The following GLIS3 variants were observed in gnomAD, a reference collection of about 807,000 sequenced individuals.
The protein encoded by GLIS3 is zinc finger protein GLIS3.
A neutral mutation model predicts 78.6 loss-of-function variants in GLIS3; 53 were observed. The ratio of observed to expected loss-of-function variants is 0.67; its 90% confidence interval spans 0.54 to 0.85. The LOEUF (loss-of-function observed/expected upper bound fraction) is 0.85. GLIS3 is among the 40% of genes least tolerant of loss of function. The pLI is 0.00. For synonymous variants in GLIS3, 684 were observed against 509.9 expected (o/e 1.34, Z -4.60); for missense variants, 1,703 against 1,231.1 (o/e 1.38, Z -5.74).
chr9:3,980,325 T>A (rs1020507394), intron 4 of GLIS3, among the ~76,000 whole-genome samples: 1 of 152,214 alleles, frequency 6.6e-6, no homozygotes, highest in Non-Finnish European at 1.5e-5. Flanking sequence ...AGAGAAGTGA[T>A]ACACCAAGAG....
chr9:4,059,825 T>TGAGAGAGAGAGAGA (rs1469909194), intron 4 of GLIS3, among the ~76,000 whole-genome samples: 11 of 120,362 alleles, frequency 9.1e-5, no homozygotes, highest in African/African-American at 3.5e-4. Context: ...TGTGTGTGTG[T>TGAGAGAGAGAGAGA]GTGTGAGAGA....
the GLIS3 span, among the ~76,000 whole-genome samples, chr9:4,410,308 A>G: frequency 6.6e-6 from 1 of 152,176 alleles, no homozygotes; most frequent in South Asian, 2.1e-4. Flanking sequence ...TAGGGTTTGC[A>G]TATTAAGAAA....
intron 4 of GLIS3, among the ~76,000 whole-genome samples, chr9:3,984,428 C>A (rs1010192538): frequency 6.6e-6 from 1 of 152,184 alleles, no homozygotes; most frequent in African/African-American, 2.4e-5. Flanking sequence ...TTGACTGCCC[C>A]GCTGGATTTG....
chr9:4,328,675 G>A (rs1817638297), intron 2 of GLIS3, among the ~76,000 whole-genome samples: 2 of 152,232 alleles, frequency 1.3e-5, no homozygotes, highest in African/African-American at 2.4e-5. Context: ...ATCTTGCTCT[G>A]CCTCTCTATA....
chr9:4,211,177 C>T (rs972821374), intron 2 of GLIS3, among the ~76,000 whole-genome samples: 7 of 152,218 alleles, frequency 4.6e-5, no homozygotes, highest in African/African-American at 1.7e-4. Flanking sequence ...GTTTGCTGGA[C>T]TATTCCAGAT....
At chr9:4,307,976 A>G (rs1057130758) in intron 4 of GLIS3, among the ~76,000 whole-genome samples, 11 of 152,150 alleles carry the variant, frequency 7.2e-5, no homozygotes, top group African/African-American at 2.7e-4. Flanking sequence ...GCAGCAACAG[A>G]AAAGTAATGC....
chr9:4,156,984 T>C (rs1022857366), intron 2 of GLIS3, among the ~76,000 whole-genome samples: 4 of 152,318 alleles, frequency 2.6e-5, no homozygotes, highest in Admixed American at 6.5e-5. Flanking sequence ...GGTCAACCCA[T>C]TGGCATTTTC....
At chr9:4,406,590 A>G in the GLIS3 span, among the ~76,000 whole-genome samples, 1 of 152,218 alleles carries the variant, frequency 6.6e-6, no homozygotes, top group South Asian at 2.1e-4. Context: ...TTGAACTGAT[A>G]AATTCAGTAA....
At chr9:4,012,525 T>C (rs904302238) in intron 4 of GLIS3, among the ~76,000 whole-genome samples, 2 of 152,176 alleles carry the variant, frequency 1.3e-5, no homozygotes, top group African/African-American at 4.8e-5. Context: ...ACATAAACTT[T>C]TCCTTGGTGC....
chr9:4,090,201 C>T (rs1829380520), intron 4 of GLIS3, among the ~76,000 whole-genome samples: 2 of 152,136 alleles, frequency 1.3e-5, no homozygotes, highest in Non-Finnish European at 2.9e-5. Context: ...CTACACAGGC[C>T]CACTGTCCTC....
In GLIS3 at chr9:4,140,802, C is replaced by CCTTT. The variant is rs113682971; in HGVS notation, c.389-14862_389-14861insAAAG. Among the ~76,000 whole-genome samples the CCTTT allele has an allele frequency of 1.9e-3, 280 of 148,662 alleles. 7 individuals are homozygous for CCTTT. The highest frequency in any genetic ancestry group is 3.7e-3 in the African/African-American group (150 of 40,454). On this transcript the variant is annotated intron_variant, in intron 2 of 10. Coordinates refer to ENST00000381971, the MANE Select transcript of GLIS3 (RefSeq NM_001042413.2). ...AAGAGTAGACACTGTTTGAATTTATCTTTTTTTTTTTTTGAGACGGAGTTT... is the reference window on the plus strand; with the variant it reads ...AAGAGTAGACACTGTTTGAATTTATCCTTTTTTTTTTTTTTTTGAGACGGAGTTT...
At chr9:3,989,360 T>C (rs1213573031) in intron 4 of GLIS3, among the ~76,000 whole-genome samples, 1 of 152,188 alleles carries the variant, frequency 6.6e-6, no homozygotes, top group African/African-American at 2.4e-5. Context: ...AATCATAAAA[T>C]TACCATATGA....
At chr9:4,402,104 T>A in the GLIS3 span, among the ~76,000 whole-genome samples, 511 of 152,320 alleles carry the variant, frequency 3.4e-3, 1 homozygote, top group African/African-American at 0.012. Flanking sequence ...GACCCAGTAC[T>A]ATGTTGGCTT....
the GLIS3 span, among the ~76,000 whole-genome samples, chr9:4,379,177 G>C: frequency 3.3e-5 from 5 of 152,010 alleles, no homozygotes; most frequent in African/African-American, 1.2e-4. Context: ...CTGTACATAA[G>C]GCAGTTCTCC....
chr9:4,483,102 T>A, the GLIS3 span, among the ~76,000 whole-genome samples: 3 of 152,200 alleles, frequency 2.0e-5, no homozygotes, highest in Non-Finnish European at 4.4e-5. Context: ...TTTGTGTCCA[T>A]GACTATTAGA....
upstream of GLIS3, among the ~76,000 whole-genome samples, chr9:4,352,689 G>C (rs997230648): frequency 6.6e-6 from 1 of 152,240 alleles, no homozygotes. Context: ...GGCCTGAAGG[G>C]CTATGTGTGG....
intron 4 of GLIS3, among the ~76,000 whole-genome samples, chr9:4,110,294 T>C (rs896838629): frequency 1.3e-5 from 2 of 152,168 alleles, no homozygotes; most frequent in African/African-American, 4.8e-5. Context: ...AAAAATAAAG[T>C]ATATGCTCAC....
the GLIS3 span, among the ~76,000 whole-genome samples, chr9:4,371,957 T>C: frequency 2.0e-5 from 3 of 152,212 alleles, no homozygotes; most frequent in Non-Finnish European, 4.4e-5. Flanking sequence ...ACCCCTTCTC[T>C]GGCCATAATT....
At position 3,937,055 on chromosome 9, in the gene GLIS3, G is replaced by A; in HGVS notation, c.1845C>T (p.Ala615=). ...QKAFSNSSDR[A]KHQRTHLDTK... is the part of the protein sequence containing the mutation. ...TGTCCAGATGCGTCCGCTGGTGTTT[G>A]GCGCGGTCACTGGAGTTACTGAAGG... The change falls in exon 5 of 11, where the codon GCC becomes GCT. Residue 615 remains alanine (A), a synonymous_variant. Transcript: ENST00000381971. 1 of 1,613,320 alleles carries A rather than the reference G, an allele frequency of 6.2e-7. No homozygotes were observed. Among genetic ancestry groups the A allele is most frequent in the Non-Finnish European group, 8.5e-7 (1 of 1,180,010 alleles).
Sources: allele counts gnomAD v4.1 joint callset (sites outside exome capture counted in the v4.1 genomes callset), GRCh38; gene constraint gnomAD v4.1.1; transcripts MANE v1.5; gene names NCBI Gene and HGNC (gene_info 2026-07-23, HGNC 2026-07-21).